NUDT13: variants seen among roughly 807,000 people sequenced by gnomAD.
The protein encoded by NUDT13 is nudix hydrolase 13.
Under a neutral mutation model 41.7 loss-of-function variants are expected in NUDT13, and 40 were observed. That is an observed-to-expected ratio of 0.96 (90% CI 0.75 to 1.25). The LOEUF is 1.25. Among genes scored for constraint, NUDT13 ranks in the 50% most tolerant of loss-of-function variants. The pLI, the probability that NUDT13 is intolerant of heterozygous loss-of-function variation, is 0.00. For missense variants in NUDT13, 390 were observed against 416.1 expected (o/e 0.94, Z 0.55); for synonymous variants, 145 against 155.5 (o/e 0.93, Z 0.50).
At chr10:73,119,055 T>TC (rs1450806017) in intron 2 of NUDT13, among the ~76,000 whole-genome samples, 2 of 150,890 alleles carry the variant, frequency 1.3e-5, no homozygotes, top group East Asian at 3.9e-4. Context: ...CTTTGTTTTC[T>TC]TTTTTTTTGA....
intron 4 of NUDT13, among the ~76,000 whole-genome samples, chr10:73,123,762 G>A (rs1358988952): frequency 3.3e-5 from 5 of 152,068 alleles, no homozygotes; most frequent in East Asian, 1.9e-4. Flanking sequence ...GGGTTCAGGC[G>A]ATTCTCCTGC....
At chr10:73,125,766 C>T (rs1247007092) in intron 7 of NUDT13, among the ~76,000 whole-genome samples, 1 of 150,990 alleles carries the variant, frequency 6.6e-6, no homozygotes, top group African/African-American at 2.4e-5. Context: ...CTCATTACAG[C>T]CTCAACCTTC....
At chr10:73,128,687 T>C (rs1842846017) in intron 8 of NUDT13, among the ~76,000 whole-genome samples, 1 of 152,234 alleles carries the variant, frequency 6.6e-6, no homozygotes, top group African/African-American at 2.4e-5. Flanking sequence ...ATTCTGCAGG[T>C]TGTCTCTTCA....
chr10:73,131,573 C>G lies in NUDT13; in HGVS notation c.*670C>G, dbSNP rs1252821917. The G allele has an allele frequency of 6.6e-6, 1 of 152,478 alleles. No homozygotes were observed. Among genetic ancestry groups the G allele is most frequent in the Non-Finnish European group, 1.5e-5 (1 of 68,236 alleles). 9.4% of individuals were successfully genotyped at this position (152,478 alleles called of 1,614,324 possible). A position where few individuals can be genotyped will look rare whatever the true frequency, so the allele number is the denominator to read the frequency against. ...TTTTTCGCTGTTTTCAGCTCTGTCA[C>G]ATGCTCAGTTTGTGACCCAGGGAAA... On this transcript the variant is annotated 3_prime_UTR_variant, in exon 9 of 9. Coordinates refer to ENST00000357321, the MANE Select transcript of NUDT13 (RefSeq NM_015901.6).
intron 1 of NUDT13, among the ~76,000 whole-genome samples, chr10:73,114,026 T>C (rs1464888937): frequency 6.6e-6 from 1 of 152,228 alleles, no homozygotes; most frequent in Admixed American, 6.5e-5. Context: ...CATGTGAATT[T>C]GCATAGCTGC....
In NUDT13 at chr10:73,122,201, G is replaced by A; in HGVS notation, c.250G>A (p.Gly84Arg). 1 of 1,613,466 alleles carries A rather than the reference G, an allele frequency of 6.2e-7. No individual in the cohort carries two copies. Among genetic ancestry groups the A allele is most frequent in the Non-Finnish European group, 8.5e-7 (1 of 1,179,844 alleles). ...GTTGGAAAGGCTCCTGGGTAAATTT[G>A]GACAGGATGCACAAAGAATAGAAGA... The part of the protein sequence containing the change: ...LELERLLGKF[G>R]QDAQRIEDSV... Residue 84 changes from glycine (G) to arginine (R), a missense_variant, in exon 4 of 9, where the codon GGA becomes AGA. Coordinates refer to ENST00000357321, the MANE Select transcript of NUDT13 (RefSeq NM_015901.6).
chr10:73,115,666 G>A (rs913623950), intron 2 of NUDT13, among the ~76,000 whole-genome samples: 1 of 151,884 alleles, frequency 6.6e-6, no homozygotes, highest in African/African-American at 2.4e-5. Context: ...GTAAATTAAG[G>A]TACTATAATA....
At chr10:73,119,956 A>G in intron 2 of NUDT13, 62 bp from the exon 3 acceptor site, 1 of 1,487,494 alleles carries the variant, frequency 6.7e-7, no homozygotes, top group East Asian at 2.3e-5. Context: ...ATTCTCAAAG[A>G]TGAATGCTAT....
chr10:73,114,488 G>A lies in NUDT13; in HGVS notation c.83+40G>A, dbSNP rs745672115. The A allele has an allele frequency of 1.1e-5, 12 of 1,115,254 alleles. 1 individual carries two copies. The East Asian group carries it at 2.7e-4, about 25-fold the overall frequency. The allele number at this position is 1,115,254 out of a possible 1,614,324, so 69.1% of individuals were successfully genotyped here. A position where few individuals can be genotyped will look rare whatever the true frequency, so the allele number is the denominator to read the frequency against. On this transcript the variant is annotated intron_variant, in intron 2 of 8. Transcript: ENST00000357321. ...ACCTGAGCTTTGATTATTCTGTTTG[G>A]CCCATTAAACTATTGTGATATTATG...
intron 3 of NUDT13, among the ~76,000 whole-genome samples, chr10:73,121,523 C>T (rs1842645676): frequency 6.6e-6 from 1 of 152,204 alleles, no homozygotes; most frequent in Non-Finnish European, 1.5e-5. Context: ...TAGGATTTCT[C>T]CCTACACATC....
rs1192163999 is a variant in NUDT13 at position 73,130,846 on chromosome 10, C to T, written c.1002C>T (p.Ser334=). The change falls in exon 9 of 9, where the codon TCC becomes TCT. Residue 334 remains serine, a synonymous_variant. Transcript: ENST00000357321. The stretch of plus-strand genomic sequence containing the variant: ...GGCTGCCCCCTAAGTTAGCCATCTC[C>T]CACCAACTGATTAAGGAGTGGGTGG... ...PFWLPPKLAI[S]HQLIKEWVEK... is the part of the protein sequence containing the mutation. 1.2e-6 allele frequency: 2 copies of T among 1,613,936 alleles called. No homozygotes were observed.
intron 1 of NUDT13, among the ~76,000 whole-genome samples, chr10:73,110,798 T>A (rs765271958): frequency 1.3e-5 from 2 of 152,242 alleles, no homozygotes; most frequent in African/African-American, 4.8e-5. Flanking sequence ...GAGAGTCATT[T>A]AAAAATGGAA....
At position 73,125,178 on chromosome 10, in the gene NUDT13, A is replaced by G. The variant is rs773230115; in HGVS notation, c.526A>G (p.Thr176Ala). ...HQFCSRSGQPTKKNVAGSKRV... is the reference protein window; with the variant it reads ...HQFCSRSGQPAKKNVAGSKRV... ...GTTCTGCAGCAGAAGTGGGCAGCCC[A>G]CCAAGAAGAACGTGGCTGGCAGCAA... The change falls in exon 6 of 9, where the codon ACC becomes GCC. Residue 176 changes from threonine to alanine, a missense_variant. Coordinates refer to ENST00000357321, the MANE Select transcript of NUDT13 (RefSeq NM_015901.6). 6.2e-7 allele frequency: 1 copy of G among 1,613,618 alleles called. No individual in the cohort carries two copies. The highest frequency in any genetic ancestry group is 1.7e-5 in the Admixed American group (1 of 59,838).
rs891750421 is a variant in NUDT13, at chr10:73,110,479, G to A, written c.-98G>A. ...CAGAAGCAGCAATGGTCCCTCCAGG[G>A]AACGGAAGCCGTTGAACGTGAACAT... On this transcript the variant is annotated 5_prime_UTR_variant, in exon 1 of 9. Coordinates refer to ENST00000357321, the MANE Select transcript of NUDT13 (RefSeq NM_015901.6). The A allele has an allele frequency of 1.3e-5, 2 of 152,214 alleles. No individual in the cohort carries two copies. The highest frequency in any genetic ancestry group is 6.5e-5 in the Admixed American group (1 of 15,280). 9.4% of individuals were successfully genotyped at this position (152,214 alleles called of 1,614,324 possible).
At position 73,125,651 on chromosome 10, in the gene NUDT13, T is replaced by TTATATATATATATATATATATATATA. The variant is rs57047791; in HGVS notation, c.703+143_703+168dup. 150 of 195,514 alleles carry TTATATATATATATATATATATATATA rather than the reference T, an allele frequency of 7.7e-4. 1 individual carries two copies. Among genetic ancestry groups the TTATATATATATATATATATATATATA allele is most frequent in the African/African-American group, 4.0e-3 (140 of 34,682 alleles). The allele number at this position is 195,514 out of a possible 1,614,324, so 12.1% of individuals were successfully genotyped here. On this transcript the variant is annotated intron_variant, in intron 7 of 8. Transcript: ENST00000357321. ...GTCAAGAAAACTGCTTTCTGGCATT[T>TTATATATATATATATATATATATATA]TATATATATATATATATATATATAT...
At chr10:73,112,385 T>C (rs957268422) in intron 1 of NUDT13, among the ~76,000 whole-genome samples, 3 of 151,574 alleles carry the variant, frequency 2.0e-5, no homozygotes, top group African/African-American at 7.3e-5. Context: ...TATAATTAAA[T>C]ACATATAATT....
At chr10:73,112,301 C>G (rs779360616) in intron 1 of NUDT13, among the ~76,000 whole-genome samples, 3 of 151,652 alleles carry the variant, frequency 2.0e-5, no homozygotes, top group African/African-American at 7.3e-5. Context: ...TGCGGTGAGC[C>G]GAGATTGCGC....
intron 2 of NUDT13, among the ~76,000 whole-genome samples, chr10:73,116,226 C>G (rs1842504142): frequency 6.6e-6 from 1 of 151,832 alleles, no homozygotes; most frequent in Non-Finnish European, 1.5e-5. Flanking sequence ...CCAGGCTGGT[C>G]TCAAACTCCT....
chr10:73,124,424 G>C (rs1589664378), intron 5 of NUDT13, 104 bp downstream of exon 5: 1 of 741,532 alleles, frequency 1.3e-6, no homozygotes, highest in East Asian at 2.5e-5. Context: ...TTCTTCTTTT[G>C]CAGATTATAG....
Sources: gnomAD v4.1 joint callset for allele counts (sites outside exome capture counted in the v4.1 genomes callset) on GRCh38, gnomAD v4.1.1 for gene constraint, MANE v1.5 for transcripts, NCBI Gene and HGNC (gene_info 2026-07-23, HGNC 2026-07-21) for gene names.